The following ADH7 variants were observed in gnomAD, a reference collection of about 807,000 sequenced individuals.
ADH7 encodes all-trans-retinol dehydrogenase [NAD(+)] ADH7.
Under a neutral mutation model 34.4 loss-of-function variants are expected in ADH7, and 41 were observed. The ratio of observed to expected loss-of-function variants is 1.19; its 90% CI spans 0.93 to 1.55. The LOEUF (loss-of-function observed/expected upper bound fraction) is 1.55, where lower values mean the gene tolerates loss of function less well. ADH7 is among the 40% of genes most tolerant of loss of function. ADH7 has a pLI of 0.00. For missense variants in ADH7, 540 were observed against 461.2 expected (o/e 1.17, Z -1.56); for synonymous variants, 180 against 160.9 (o/e 1.12, Z -0.90).
At position 99,419,380 on chromosome 4, in the gene ADH7, G is replaced by A. The variant is rs2110134229; in HGVS notation, c.826-259C>T. Among the ~76,000 whole-genome samples, 2 of 152,194 alleles carry A rather than the reference G, an allele frequency of 1.3e-5. 1 individual carries two copies. Among genetic ancestry groups the A allele is most frequent in the South Asian group, 4.1e-4 (2 of 4,822 alleles). On this transcript the variant is annotated intron_variant, in intron 6 of 8. Transcript: ENST00000437033. ...GTGTACCATGCACTAAAATACAAGG[G>A]AAATTCTTGTGATATTTTCATACCA...
At chr4:99,430,455 C>T (rs1044901804) in intron 1 of ADH7, among the ~76,000 whole-genome samples, 10 of 152,112 alleles carry the variant, frequency 6.6e-5, no homozygotes, top group African/African-American at 2.4e-4. Context: ...AAATTGTTTC[C>T]ACCTTCCTAC....
rs549028723 is a variant in ADH7, at chr4:99,428,088, C to G, written c.346G>C (p.Asp116His). 5 of 1,613,852 alleles carry G rather than the reference C, an allele frequency of 3.1e-6. No individual in the cohort carries two copies. The highest frequency in any genetic ancestry group is 1.1e-5 in the South Asian group (1 of 91,060). The change falls in exon 4 of 9, where the codon GAT (aspartate) becomes CAT (histidine). Residue 116 changes from aspartate to histidine, a missense_variant and splice_region_variant. Transcript: ENST00000437033. ...NPDGNLCIRSDITGRGVLADG... is the reference protein window; with the variant it reads ...NPDGNLCIRSHITGRGVLADG... ...AAAGTAAAAATGACTGAAACCTACT[C>G]GCTCCTAATGCAAAGGTTGCCATCT...
intron 2 of ADH7, among the ~76,000 whole-genome samples, chr4:99,429,234 G>C (rs2110140109): frequency 6.6e-6 from 1 of 152,288 alleles, no homozygotes. Flanking sequence ...GATTTTAAAA[G>C]AAGTCTTTAG....
At chr4:99,430,967 G>A (rs541871329) in intron 1 of ADH7, among the ~76,000 whole-genome samples, 6 of 151,978 alleles carry the variant, frequency 3.9e-5, no homozygotes, top group African/African-American at 7.2e-5. Context: ...CAGCTAATAT[G>A]TTTTTGTATT....
At position 99,412,341 on chromosome 4, in the gene ADH7, A is replaced by G. The variant is rs2110130807; in HGVS notation, c.*807T>C. 6.6e-6 allele frequency: 1 copy of G among 152,220 alleles called. No homozygotes were observed. The highest frequency in any genetic ancestry group is 6.5e-5 in the Admixed American group (1 of 15,290). The allele number at this position is 152,220 out of a possible 1,614,324, so 9.4% of individuals were successfully genotyped here. A position where few individuals can be genotyped will look rare whatever the true frequency, so the allele number is the denominator to read the frequency against. The stretch of plus-strand genomic sequence containing the variant: ...TAGATACATCAGTGTAGTTGTTAAA[A>G]ACTAAAAACACTTTTTATTAAATGG... On this transcript the variant is annotated 3_prime_UTR_variant, in exon 9 of 9. Coordinates refer to ENST00000437033, the MANE Select transcript of ADH7 (RefSeq NM_000673.7).
At chr4:99,427,096 G>T (rs899121911) in intron 5 of ADH7, among the ~76,000 whole-genome samples, 3 of 152,028 alleles carry the variant, frequency 2.0e-5, no homozygotes, top group African/African-American at 4.8e-5. Context: ...TTAATTCCTT[G>T]AACTCCAATT....
In ADH7 at chr4:99,435,312, A is replaced by G. The variant is rs755152695; in HGVS notation, c.-79T>C. 17 of 1,592,684 alleles carry G rather than the reference A, an allele frequency of 1.1e-5. No homozygotes were observed. The East Asian group carries it at 3.6e-4, about 34-fold the overall frequency. ...TGCTCAGTTCACTCTGTTGTATATAACAGCAGCTTGTGCCTTCACATAGAT... is the reference window on the plus strand; with the variant it reads ...TGCTCAGTTCACTCTGTTGTATATAGCAGCAGCTTGTGCCTTCACATAGAT... On this transcript the variant is annotated 5_prime_UTR_variant, in exon 1 of 9. Transcript: ENST00000437033.
At chr4:99,420,816 A>T (rs763118768) in intron 5 of ADH7, 23 bp from the exon 6 acceptor site, 4 of 1,611,848 alleles carry the variant, frequency 2.5e-6, no homozygotes, top group African/African-American at 2.7e-5. Flanking sequence ...ATGTTCTTGA[A>T]CATGTTAGGT....
intron 5 of ADH7, among the ~76,000 whole-genome samples, chr4:99,424,470 A>T (rs1020064193): frequency 5.4e-4 from 82 of 152,324 alleles, no homozygotes; most frequent in African/African-American, 2.0e-3. Flanking sequence ...TACCTTGGGC[A>T]GTATGGCCAT....
At chr4:99,414,051 T>A (rs1721464593) in intron 8 of ADH7, among the ~76,000 whole-genome samples, 1 of 152,196 alleles carries the variant, frequency 6.6e-6, no homozygotes, top group Non-Finnish European at 1.5e-5. Context: ...TTAGTTTGGA[T>A]GTCCCTGCTT....
intron 7 of ADH7, among the ~76,000 whole-genome samples, chr4:99,416,841 C>T (rs1208070069): frequency 6.6e-6 from 1 of 152,152 alleles, no homozygotes; most frequent in Non-Finnish European, 1.5e-5. Context: ...CCCCAAACCA[C>T]TCCTGGTTTC....
intron 6 of ADH7, 152 bp downstream of exon 6, chr4:99,420,381 G>A (rs1721618600): frequency 1.1e-6 from 1 of 897,104 alleles, no homozygotes; most frequent in East Asian, 2.7e-5. Context: ...AGGCAAAATT[G>A]CTATGTGATT....
At chr4:99,419,343 G>T (rs574902378) in intron 6 of ADH7, among the ~76,000 whole-genome samples, 1 of 152,282 alleles carries the variant, frequency 6.6e-6, no homozygotes, top group South Asian at 2.1e-4. Context: ...GTCAGTGTTT[G>T]TGGCATTTTT....
intron 5 of ADH7, among the ~76,000 whole-genome samples, chr4:99,423,547 C>T (rs1297719111): frequency 1.3e-5 from 2 of 151,778 alleles, no homozygotes; most frequent in Admixed American, 6.6e-5. Flanking sequence ...TTGTTGTTTC[C>T]TGACTTTTTA....
At chr4:99,430,481 G>A (rs1000588960) in intron 1 of ADH7, among the ~76,000 whole-genome samples, 20 of 152,132 alleles carry the variant, frequency 1.3e-4, no homozygotes, top group African/African-American at 4.8e-4. Flanking sequence ...AATCTGTCTA[G>A]GACTCCTATA....
At chr4:99,422,324 T>A (rs1404989919) in intron 5 of ADH7, among the ~76,000 whole-genome samples, 1 of 152,154 alleles carries the variant, frequency 6.6e-6, no homozygotes, top group Non-Finnish European at 1.5e-5. Flanking sequence ...TATGCAGCCA[T>A]AAAAAGAAAT....
In ADH7 at chr4:99,435,275, T is replaced by G; in HGVS notation, c.-42A>C. The G allele has an allele frequency of 6.2e-7, 1 of 1,612,936 alleles. No individual in the cohort carries two copies. The highest frequency in any genetic ancestry group is 8.5e-7 in the Non-Finnish European group (1 of 1,179,488). ...ATCTGTATTTCTGCAAACATAGACTTTTTCTGACTGATGCTCAGTTCACTC... is the reference window on the plus strand; with the variant it reads ...ATCTGTATTTCTGCAAACATAGACTGTTTCTGACTGATGCTCAGTTCACTC... On this transcript the variant is annotated 5_prime_UTR_variant, in exon 1 of 9. Coordinates refer to ENST00000437033, the MANE Select transcript of ADH7 (RefSeq NM_000673.7).
intron 5 of ADH7, among the ~76,000 whole-genome samples, chr4:99,425,756 C>T (rs1195729173): frequency 6.6e-6 from 1 of 152,144 alleles, no homozygotes; most frequent in Non-Finnish European, 1.5e-5. Flanking sequence ...ACAGAATATA[C>T]ATTTTTTCAG....
intron 1 of ADH7, among the ~76,000 whole-genome samples, chr4:99,432,939 A>G (rs563174460): frequency 8.8e-4 from 134 of 152,272 alleles, no homozygotes; most frequent in Non-Finnish European, 1.1e-3. Flanking sequence ...CAGCCTCCCC[A>G]GTTAGCTGGG....
Sources: allele counts gnomAD v4.1 joint callset (sites outside exome capture counted in the v4.1 genomes callset), GRCh38; gene constraint gnomAD v4.1.1; transcripts MANE v1.5; gene names NCBI Gene and HGNC (gene_info 2026-07-23, HGNC 2026-07-21).